Variants in COL4A1 observed in about 807,000 individuals in gnomAD.
COL4A1 encodes the protein collagen type IV alpha 1 chain, also known as collagen alpha-1(IV) chain.
COL4A1 carries 40 observed loss-of-function variants against 216.6 expected under a neutral mutation model. The observed-to-expected ratio is 0.18, with a 90% CI of 0.14 to 0.24. The LOEUF (loss-of-function observed/expected upper bound fraction) is 0.24, where lower values mean the gene tolerates loss of function less well. Among genes scored for constraint, COL4A1 ranks in the 10% least tolerant of loss-of-function variants. COL4A1 has a pLI of 1.00. For missense variants in COL4A1, 1,628 were observed against 2,196.8 expected, an observed-to-expected ratio of 0.74 and a Z score of 5.18; for synonymous variants, 839 against 810.7, an observed-to-expected ratio of 1.03 and a Z score of -0.59.
rs891410689 is a variant in COL4A1, at chr13:110,240,227, A to C, written c.144+2448T>G. Among the ~76,000 whole-genome samples the C allele has an allele frequency of 6.6e-5, 10 of 152,218 alleles. No individual in the cohort carries two copies. In the East Asian group the frequency reaches 7.7e-4, roughly 12 times the overall value. ...TGGAATTAAAAAAAATTAAAAAAAAACAGTAAGAACCCCAAAGTTGGCAAT... is the reference window on the plus strand; with the variant it reads ...TGGAATTAAAAAAAATTAAAAAAAACCAGTAAGAACCCCAAAGTTGGCAAT... On this transcript the variant is annotated intron_variant, in intron 2 of 51. Coordinates refer to ENST00000375820, the MANE Select transcript of COL4A1 (RefSeq NM_001845.6).
Position 110,152,947 on chromosome 13 carries a change from T to C in COL4A1, c.4756-441A>G, listed in dbSNP as rs143341208. On this transcript the variant is annotated intron_variant, in intron 50 of 51. Transcript: ENST00000375820. ...GCTATATTAGATGCTATTTATCTTA[T>C]AATAAGGTAAAGAATAATCATTCAA... 5.3e-5 allele frequency among the ~76,000 whole-genome samples: 8 copies of C among 152,342 alleles called. No homozygotes were observed. In the East Asian group the frequency reaches 1.5e-3, roughly 29 times the overall value.
At chr13:110,209,543 A>T in intron 10 of COL4A1, 116 bp from the exon 11 acceptor site, 1 of 872,324 alleles carries the variant, frequency 1.1e-6, no homozygotes, top group Non-Finnish European at 1.8e-6. Flanking sequence ...TTATTTGTGA[A>T]ATATTTTTCC....
chr13:110,208,895 G>A lies in COL4A1; in HGVS notation c.652-5C>T. 2 of 1,613,874 alleles carry A rather than the reference G, an allele frequency of 1.2e-6. No individual in the cohort carries two copies. Among genetic ancestry groups the A allele is most frequent in the Non-Finnish European group, 8.5e-7 (1 of 1,179,880 alleles). The stretch of plus-strand genomic sequence containing the variant: ...AAAACTTAAGCCCATTTGTCCCTGT[G>A]GATTAAAAATTAGGCTCTCATTATT... On this transcript the variant is annotated splice_region_variant and splice_polypyrimidine_tract_variant and intron_variant, in intron 11 of 51. Coordinates refer to ENST00000375820, the MANE Select transcript of COL4A1 (RefSeq NM_001845.6).
At chr13:110,233,095 C>T (rs1300992263) in intron 2 of COL4A1, among the ~76,000 whole-genome samples, 1 of 152,140 alleles carries the variant, frequency 6.6e-6, no homozygotes, top group Non-Finnish European at 1.5e-5. Flanking sequence ...CATAGATCTG[C>T]TTCCAGGGGC....
intron 20 of COL4A1, among the ~76,000 whole-genome samples, chr13:110,200,227 C>G (rs184332306): frequency 6.6e-6 from 1 of 152,248 alleles, no homozygotes; most frequent in Admixed American, 6.5e-5. Flanking sequence ...CAGGTGCACA[C>G]GCACACACGT....
At chr13:110,177,795 C>T in intron 33 of COL4A1, 47 bp downstream of exon 33, 3 of 1,588,882 alleles carry the variant, frequency 1.9e-6, no homozygotes, top group South Asian at 1.1e-5. Context: ...CAAGTGGCAT[C>T]GAGAAATAGA....
At chr13:110,242,241 T>C (rs994119460) in intron 2 of COL4A1, among the ~76,000 whole-genome samples, 3 of 152,184 alleles carry the variant, frequency 2.0e-5, no homozygotes, top group African/African-American at 7.2e-5. Flanking sequence ...TTTTTATAAA[T>C]AAATCTAGAC....
At chr13:110,159,697 AC>A (rs1392974140) in intron 49 of COL4A1, among the ~76,000 whole-genome samples, 1 of 152,212 alleles carries the variant, frequency 6.6e-6, no homozygotes, top group Admixed American at 6.5e-5. Flanking sequence ...TGTGGACAAA[AC>A]CTAAGTGTCC....
intron 37 of COL4A1, 25 bp from the exon 38 acceptor site, chr13:110,174,774 AACTTT>A: frequency 6.2e-7 from 1 of 1,610,148 alleles, no homozygotes. Context: ...CAGGCATATT[AACTTT>A]ACATTTGTCC....
chr13:110,276,159 C>A (rs4377029), intron 1 of COL4A1, among the ~76,000 whole-genome samples: 47,348 of 151,720 alleles, frequency 0.31, 7,575 homozygotes, highest in East Asian at 0.48. Flanking sequence ...TGCGTGTGCC[C>A]GAGAAGAGGT....
intron 1 of COL4A1, among the ~76,000 whole-genome samples, chr13:110,245,215 C>T (rs909877103): frequency 6.6e-6 from 1 of 152,178 alleles, no homozygotes; most frequent in Non-Finnish European, 1.5e-5. Flanking sequence ...CACCTGGAGC[C>T]GTCCAGACCA....
At chr13:110,179,154 G>A (rs987638317) in intron 30 of COL4A1, 117 bp downstream of exon 30, 8 of 1,559,048 alleles carry the variant, frequency 5.1e-6, no homozygotes, top group Non-Finnish European at 5.3e-6. Flanking sequence ...AGGCCTCTAA[G>A]ATTTGCATCG....
At chr13:110,199,411 G>A (rs1024270900) in intron 20 of COL4A1, among the ~76,000 whole-genome samples, 3 of 152,222 alleles carry the variant, frequency 2.0e-5, no homozygotes, top group African/African-American at 4.8e-5. Context: ...CACAGAGCCT[G>A]AGACATCCAG....
At chr13:110,254,970 C>T (rs1050512250) in intron 1 of COL4A1, among the ~76,000 whole-genome samples, 7 of 152,222 alleles carry the variant, frequency 4.6e-5, no homozygotes, top group African/African-American at 1.7e-4. Context: ...TAGACATGAG[C>T]TGTGTTCTCA....
chr13:110,152,186 G>C (rs536362378), intron 51 of COL4A1, 148 bp downstream of exon 51: 1 of 1,273,736 alleles, frequency 7.9e-7, no homozygotes, highest in East Asian at 2.6e-5. Flanking sequence ...AAATCGTCTC[G>C]GTCATCTGCC....
chr13:110,251,602 G>A (rs1347095516), intron 1 of COL4A1, among the ~76,000 whole-genome samples: 8 of 152,226 alleles, frequency 5.3e-5, no homozygotes, highest in African/African-American at 1.2e-4. Context: ...AGAGACTCAC[G>A]GGCATGCCAG....
At chr13:110,203,370 A>G (rs1879331762) in intron 18 of COL4A1, among the ~76,000 whole-genome samples, 196 bp downstream of exon 18, 1 of 152,240 alleles carries the variant, frequency 6.6e-6, no homozygotes, top group Admixed American at 6.5e-5. Flanking sequence ...TTCAAGTAGC[A>G]TGAACCACTT....
chr13:110,172,633 G>C (rs1877697953), intron 41 of COL4A1, 87 bp downstream of exon 41: 1 of 1,321,462 alleles, frequency 7.6e-7, no homozygotes, highest in South Asian at 1.2e-5. Context: ...CAGGCATGGG[G>C]CTTCATCCTG....
chr13:110,200,774 G>A (rs1423372977), intron 20 of COL4A1, 80 bp downstream of exon 20: 14 of 1,407,664 alleles, frequency 9.9e-6, no homozygotes, highest in South Asian at 5.9e-5. Flanking sequence ...TCTAACATTC[G>A]TGATAAATTA....
Sources: allele counts gnomAD v4.1 joint callset (sites outside exome capture counted in the v4.1 genomes callset), GRCh38; gene constraint gnomAD v4.1.1; transcripts MANE v1.5; gene names NCBI Gene and HGNC (gene_info 2026-07-23, HGNC 2026-07-21).